Variants in SLIT1 observed in about 807,000 individuals in gnomAD.
SLIT1 encodes slit guidance ligand 1.
A neutral mutation model predicts 186.1 loss-of-function variants in SLIT1; 66 were observed. That is an observed-to-expected ratio of 0.35 (90% CI 0.29 to 0.44). The LOEUF (loss-of-function observed/expected upper bound fraction) is 0.44. Among genes scored for constraint, SLIT1 ranks in the 20% least tolerant of loss-of-function variants. The probability of loss-of-function intolerance (pLI) is 1.00; values close to 1 mark genes in which losing one functional copy is unlikely to be tolerated. For missense variants in SLIT1, 1,638 were observed against 2,037.4 expected (o/e 0.80, Z 3.77); for synonymous variants, 761 against 833.8 (o/e 0.91, Z 1.50).
intron 3 of SLIT1, among the ~76,000 whole-genome samples, chr10:97,159,041 C>T (rs1347681959): frequency 6.6e-6 from 1 of 152,132 alleles, no homozygotes; most frequent in East Asian, 1.9e-4. Context: ...AAAAAATTAG[C>T]TGGGCATGGT....
chr10:97,018,545 C>T (rs1177643793), intron 28 of SLIT1, 41 bp downstream of exon 28: 1 of 1,275,434 alleles, frequency 7.8e-7, no homozygotes, highest in East Asian at 2.5e-5. Flanking sequence ...GTGCTGGGCC[C>T]ATCAGCACTC....
intron 4 of SLIT1, among the ~76,000 whole-genome samples, chr10:97,114,817 ATGT>A (rs1423139066): frequency 1.2e-3 from 190 of 152,304 alleles, no homozygotes; most frequent in Admixed American, 0.012. Flanking sequence ...TAGCTGTGTG[ATGT>A]TGGGCAAATT....
At chr10:97,083,541 A>G (rs755795276) in intron 4 of SLIT1, among the ~76,000 whole-genome samples, 17 of 152,210 alleles carry the variant, frequency 1.1e-4, no homozygotes, top group Non-Finnish European at 2.4e-4. Flanking sequence ...AGGTGAAATT[A>G]TGTTCAGAGC....
intron 8 of SLIT1, 81 bp downstream of exon 8, chr10:97,063,374 A>C (rs927712264): frequency 1.4e-6 from 2 of 1,481,158 alleles, no homozygotes; most frequent in African/African-American, 2.8e-5. Flanking sequence ...GCCAGGTATT[A>C]ATGTCGAGAT....
chr10:97,149,019 C>T (rs1179509303), intron 4 of SLIT1, among the ~76,000 whole-genome samples: 9 of 152,218 alleles, frequency 5.9e-5, no homozygotes, highest in Non-Finnish European at 1.0e-4. Flanking sequence ...GGCATTCTCT[C>T]GGGATGACCC....
intron 4 of SLIT1, among the ~76,000 whole-genome samples, chr10:97,130,681 T>C (rs1000069802): frequency 1.3e-5 from 2 of 152,314 alleles, no homozygotes; most frequent in East Asian, 1.9e-4. Flanking sequence ...TTACTTAACC[T>C]CTCTGTGCCT....
chr10:97,064,795 C>G lies in SLIT1; in HGVS notation c.557+10G>C, dbSNP rs888917792. 6.2e-7 allele frequency: 1 copy of G among 1,603,484 alleles called. No homozygotes were observed. The highest frequency in any genetic ancestry group is 8.5e-7 in the Non-Finnish European group (1 of 1,174,150). ...CCACACCCCTCCTTCCTTTTCCATGCTTTACTTACAGCACCTCCAGCCCCC... is the reference window on the plus strand; with the variant it reads ...CCACACCCCTCCTTCCTTTTCCATGGTTTACTTACAGCACCTCCAGCCCCC... On this transcript the variant is annotated intron_variant, in intron 6 of 36. Transcript: ENST00000266058.
rs1046950569 is a variant in SLIT1 at position 97,150,649 on chromosome 10, G to A, written c.413+7169C>T. Among the ~76,000 whole-genome samples, 5 of 150,374 alleles carry A rather than the reference G, an allele frequency of 3.3e-5. No homozygotes were observed. In the East Asian group the frequency reaches 9.9e-4, roughly 30 times the overall value. On this transcript the variant is annotated intron_variant, in intron 4 of 36. Coordinates refer to ENST00000266058, the MANE Select transcript of SLIT1 (RefSeq NM_003061.3). ...GTCAATCTTGTTGGGACACATATTG[G>A]TTTCAAGGCTAAAAGGAAGCCCAGA...
At chr10:97,046,897 C>T in intron 17 of SLIT1, 94 bp downstream of exon 17, 2 of 1,574,990 alleles carry the variant, frequency 1.3e-6, no homozygotes, top group Non-Finnish European at 1.7e-6. Flanking sequence ...GAGTCCTGGC[C>T]CCCCGCCGTG....
intron 4 of SLIT1, among the ~76,000 whole-genome samples, chr10:97,082,687 G>A (rs1404767646): frequency 1.3e-5 from 2 of 152,144 alleles, no homozygotes; most frequent in African/African-American, 2.4e-5. Flanking sequence ...GCCCTCCTCG[G>A]CCTCCCAAAG....
intron 25 of SLIT1, 138 bp downstream of exon 25, chr10:97,030,619 G>A (rs181246916): frequency 8.3e-5 from 57 of 688,048 alleles, no homozygotes; most frequent in Non-Finnish European, 9.8e-5. Flanking sequence ...AGTCCCAGAA[G>A]GTGCACGTGG....
intron 4 of SLIT1, among the ~76,000 whole-genome samples, chr10:97,132,599 G>A (rs1849664551): frequency 6.6e-6 from 1 of 152,182 alleles, no homozygotes. Context: ...CCTGGGCCCT[G>A]TCCCTAAACT....
Position 97,060,142 on chromosome 10 carries a change from C to T in SLIT1, c.958G>A (p.Gly320Ser), listed in dbSNP as rs773742048. 20 of 1,614,080 alleles carry T rather than the reference C, an allele frequency of 1.2e-5. No homozygotes were observed. The highest frequency in any genetic ancestry group is 8.3e-5 in the Admixed American group (5 of 60,030). ...TMTEIRLELN[G>S]IKSIPPGAFS... ...GCTCCAGGAGGGATGGACTTGATGC[C>T]GTTCAGCTCCAGGCGTCTGCGGGGA... is the stretch of plus-strand genomic sequence containing the variant. The change falls in exon 10 of 37, where the codon GGC (glycine) becomes AGC (serine). Residue 320 changes from glycine (G) to serine (S), a missense_variant. Physicochemically the swap from Gly to Ser is moderately conservative, Grantham distance 56 (BLOSUM62 0). This residue lies in a region of SLIT1 where 1,245 missense variants were observed against 1,535.3 expected (regional missense o/e 0.81). Coordinates refer to ENST00000266058, the MANE Select transcript of SLIT1 (RefSeq NM_003061.3).
chr10:97,085,419 G>A (rs969955024), intron 4 of SLIT1, among the ~76,000 whole-genome samples: 6 of 150,070 alleles, frequency 4.0e-5, no homozygotes, highest in East Asian at 2.0e-4. Context: ...ATGGAGTCTC[G>A]CACTGTCACC....
At chr10:97,019,461 C>T (rs937120261) in intron 26 of SLIT1, among the ~76,000 whole-genome samples, 2 of 152,162 alleles carry the variant, frequency 1.3e-5, no homozygotes, top group African/African-American at 4.8e-5. Context: ...TTGGCCAACC[C>T]TTCCTCTTTC....
chr10:97,057,709 G>A (rs1406429564), intron 11 of SLIT1: 4 of 407,426 alleles, frequency 9.8e-6, no homozygotes, highest in South Asian at 4.7e-5. Context: ...AATGCCAGAC[G>A]GCATATGCAG....
chr10:97,018,562 C>T (rs146868907), intron 28 of SLIT1, 24 bp downstream of exon 28: 68 of 1,472,216 alleles, frequency 4.6e-5, no homozygotes, highest in Non-Finnish European at 6.2e-5. Flanking sequence ...ACTCACCAGG[C>T]TCCTGCCCCT....
At chr10:97,038,581 A>G (rs1215035737) in intron 21 of SLIT1, among the ~76,000 whole-genome samples, 1 of 151,952 alleles carries the variant, frequency 6.6e-6, no homozygotes, top group Non-Finnish European at 1.5e-5. Context: ...TCTTCCCTTC[A>G]TTGTTGACCA....
chr10:97,067,763 G>C (rs971634445), intron 4 of SLIT1, among the ~76,000 whole-genome samples: 1 of 152,150 alleles, frequency 6.6e-6, no homozygotes, highest in South Asian at 2.1e-4. Context: ...AACAACCAGC[G>C]GCAGACCGTC....
Sources: gnomAD v4.1 joint callset for allele counts (sites outside exome capture counted in the v4.1 genomes callset) on GRCh38, gnomAD v4.1.1 for gene constraint, gnomAD v4.1.1 regional missense constraint, MANE v1.5 for transcripts, NCBI Gene and HGNC (gene_info 2026-07-23, HGNC 2026-07-21) for gene names.